PDGFRA: variants seen among roughly 807,000 people sequenced by gnomAD.
PDGFRA encodes platelet derived growth factor receptor alpha.
Under a neutral mutation model 121.5 loss-of-function variants are expected in PDGFRA, and 25 were observed. That is an observed-to-expected ratio of 0.21 (90% CI 0.15 to 0.29). The LOEUF (loss-of-function observed/expected upper bound fraction) is 0.29. Ranked by LOEUF, PDGFRA falls within the 10% of genes least tolerant of loss-of-function variation. The probability of loss-of-function intolerance (pLI) is 1.00; values close to 1 mark genes in which losing one functional copy is unlikely to be tolerated. For synonymous variants in PDGFRA, 463 were observed against 494.8 expected, an observed-to-expected ratio of 0.94 and a Z score of 0.85; for missense variants, 1,008 against 1,345.1, an observed-to-expected ratio of 0.75 and a Z score of 3.92.
At chr4:54,294,405 G>A (rs958472302) in intron 22 of PDGFRA, among the ~76,000 whole-genome samples, 2 of 152,148 alleles carry the variant, frequency 1.3e-5, no homozygotes, top group Non-Finnish European at 2.9e-5. Context: ...ACATGAGAAA[G>A]GTGCCCAGAA....
Position 54,271,934 on chromosome 4 carries a change from CTCCT to C in PDGFRA, c.1238-445_1238-442del, listed in dbSNP as rs368158132. On this transcript the variant is annotated intron_variant, in intron 8 of 22. Transcript: ENST00000257290. ...TCCCTCACTCTCTCTTTTCCTTTCTCTCCTTCCTTCCTTCCTTCATTCTCCCCTC... is the reference window on the plus strand; with the variant it reads ...TCCCTCACTCTCTCTTTTCCTTTCTCTCCTTCCTTCCTTCATTCTCCCCTC... Among the ~76,000 whole-genome samples the C allele has an allele frequency of 3.6e-3, 215 of 59,804 alleles. 1 individual carries two copies. Among genetic ancestry groups the C allele is most frequent in the Middle Eastern group, 0.015 (1 of 66 alleles). The allele number at this position is 59,804 out of a possible 152,430, so 39.2% of individuals were successfully genotyped here.
At chr4:54,280,781 C>T in intron 16 of PDGFRA, 1 of 196,392 alleles carries the variant, frequency 5.1e-6, no homozygotes, top group Admixed American at 5.4e-5. Context: ...ATTATTTATT[C>T]TGATATAATG....
At chr4:54,231,668 G>C (rs4864504) in intron 1 of PDGFRA, among the ~76,000 whole-genome samples, 57,584 of 152,232 alleles carry the variant, frequency 0.38, 12,532 homozygotes, top group African/African-American at 0.61. Flanking sequence ...GGCCGACCAG[G>C]CTCGCTTTGA....
intron 9 of PDGFRA, among the ~76,000 whole-genome samples, chr4:54,273,329 C>G (rs759339586): frequency 1.3e-5 from 2 of 152,198 alleles, no homozygotes; most frequent in Non-Finnish European, 2.9e-5. Flanking sequence ...AAACACTTAG[C>G]TTTCAGTTGT....
chr4:54,273,962 A>G (rs1383036959), intron 10 of PDGFRA, among the ~76,000 whole-genome samples: 1 of 152,200 alleles, frequency 6.6e-6, no homozygotes, highest in Non-Finnish European at 1.5e-5. Flanking sequence ...GCTCACTGCA[A>G]CCTCTACCTA....
At chr4:54,259,869 A>G (rs1361113259) in intron 2 of PDGFRA, among the ~76,000 whole-genome samples, 1 of 152,192 alleles carries the variant, frequency 6.6e-6, no homozygotes, top group Non-Finnish European at 1.5e-5. Flanking sequence ...ATTAAGTCAT[A>G]ATATCTCTTC....
In PDGFRA at chr4:54,274,883, A is replaced by C; in HGVS notation, c.1696A>C (p.Ser566Arg). ...TCGCTGGAGGGTCATTGAATCAATC[A>C]GCCCAGATGGACATGAATATATTTA... ...EIRWRVIESI[S>R]PDGHEYIYVD... The change falls in exon 12 of 23, where the codon AGC becomes CGC. Residue 566 changes from serine (S) to arginine (R), a missense_variant. Physicochemically the swap from Ser to Arg is moderately radical, Grantham distance 110. Around this residue, in one of 5 missense-constraint regions of PDGFRA, gnomAD observed 575 missense variants for 701.8 expected, o/e 0.82. Coordinates refer to ENST00000257290, the MANE Select transcript of PDGFRA (RefSeq NM_006206.6). The C allele has an allele frequency of 6.2e-7, 1 of 1,614,064 alleles. No homozygotes were observed. Among genetic ancestry groups the C allele is most frequent in the Non-Finnish European group, 8.5e-7 (1 of 1,179,926 alleles).
chr4:54,245,014 A>G (rs1298780427), intron 1 of PDGFRA, among the ~76,000 whole-genome samples: 2 of 152,162 alleles, frequency 1.3e-5, no homozygotes, highest in East Asian at 1.9e-4. Context: ...GGGAAGTTTA[A>G]AGAAAAAAGA....
rs111810091 is a variant in PDGFRA, at chr4:54,289,973, C to G, written c.2881-340C>G. ...CATGAAGGCTTTGGGTATTATCCAC[C>G]CAATAGAAGGCCTCACTGCCTCTCT... On this transcript the variant is annotated intron_variant, in intron 21 of 22. Coordinates refer to ENST00000257290, the MANE Select transcript of PDGFRA (RefSeq NM_006206.6). Among the ~76,000 whole-genome samples, 1,515 of 152,304 alleles carry G rather than the reference C, an allele frequency of 9.9e-3. 29 individuals are homozygous for G. The highest frequency in any genetic ancestry group is 0.035 in the African/African-American group (1,436 of 41,558).
Position 54,265,010 on chromosome 4 carries a change from T to A in PDGFRA, c.720T>A (p.Asn240Lys), listed in dbSNP as rs768535525. ...TGGTCACCTGTGCTGTTTTTAACAA[T>A]GAGGTGGTTGACCTTCAATGGACTT... is the stretch of plus-strand genomic sequence containing the variant. ...TIVVTCAVFN[N>K]EVVDLQWTYP... Residue 240 changes from asparagine to lysine, a missense_variant, in exon 5 of 23, where the codon AAT (asparagine) becomes AAA (lysine). By Grantham distance (94) the Asn-to-Lys change is moderately conservative (BLOSUM62 0). Transcript: ENST00000257290. 1 of 1,613,746 alleles carries A rather than the reference T, an allele frequency of 6.2e-7. No individual in the cohort carries two copies. The highest frequency in any genetic ancestry group is 8.5e-7 in the Non-Finnish European group (1 of 1,179,696).
At chr4:54,276,880 G>T in intron 12 of PDGFRA, 1 of 181,434 alleles carries the variant, frequency 5.5e-6, no homozygotes, top group Non-Finnish European at 1.2e-5. Context: ...TCTTGGTAGA[G>T]TGGCTTTCCT....
In PDGFRA at chr4:54,278,880, C is replaced by T. The variant is rs1365548687; in HGVS notation, c.2156+365C>T. On this transcript the variant is annotated intron_variant, in intron 15 of 22. Transcript: ENST00000257290. Reference sequence around the variant, plus strand: ...AGAACTGTCTGTGGATCTCCAAGCTCGAGGTCCTTGCTGAACCTGGACCTA... The same window carrying T: ...AGAACTGTCTGTGGATCTCCAAGCTTGAGGTCCTTGCTGAACCTGGACCTA... 5 of 474,468 alleles carry T rather than the reference C, an allele frequency of 1.1e-5. No individual in the cohort carries two copies. The East Asian group carries it at 1.9e-4, about 18-fold the overall frequency. The allele number at this position is 474,468 out of a possible 1,614,324, so 29.4% of individuals were successfully genotyped here. A position where few individuals can be genotyped will look rare whatever the true frequency, so the allele number is the denominator to read the frequency against.
At chr4:54,276,053 G>T (rs1404193854) in intron 12 of PDGFRA, among the ~76,000 whole-genome samples, 2 of 152,168 alleles carry the variant, frequency 1.3e-5, no homozygotes, top group South Asian at 4.1e-4. Context: ...CAGTGCTTGA[G>T]ATATTTTGGA....
At chr4:54,272,354 C>T in intron 8 of PDGFRA, 40 bp from the exon 9 acceptor site, 1 of 1,611,620 alleles carries the variant, frequency 6.2e-7, no homozygotes, top group Non-Finnish European at 8.5e-7. Context: ...TGTTCTGGGA[C>T]ACGAGCTATT....
chr4:54,254,069 G>A (rs1245438199), intron 1 of PDGFRA, among the ~76,000 whole-genome samples: 1 of 152,132 alleles, frequency 6.6e-6, no homozygotes, highest in African/African-American at 2.4e-5. Flanking sequence ...TTTTAGGTGA[G>A]CTCCAGAATA....
chr4:54,292,329 G>A (rs575839721), intron 22 of PDGFRA, among the ~76,000 whole-genome samples: 51 of 152,282 alleles, frequency 3.3e-4, no homozygotes, highest in African/African-American at 1.0e-3. Context: ...CATGGAATAC[G>A]ATGCAGCCGT....
intron 1 of PDGFRA, 30 bp from the exon 2 acceptor site, chr4:54,258,727 G>A (rs778993610): frequency 3.6e-6 from 5 of 1,399,602 alleles, no homozygotes; most frequent in Non-Finnish European, 3.0e-6. Context: ...ATTTGCTAAT[G>A]CTGTTTCTGT....
chr4:54,269,765 C>T (rs1348392070), intron 7 of PDGFRA, among the ~76,000 whole-genome samples: 2 of 151,450 alleles, frequency 1.3e-5, no homozygotes, highest in Non-Finnish European at 2.9e-5. Flanking sequence ...GCTTCAGCCT[C>T]CTGAGTAGCT....
At position 54,270,355 on chromosome 4, in the gene PDGFRA, A is replaced by C. The variant is rs1050835937; in HGVS notation, c.1122-278A>C. 7.9e-5 allele frequency among the ~76,000 whole-genome samples: 12 copies of C among 152,302 alleles called. No individual in the cohort carries two copies. The Middle Eastern group carries it at 0.014, about 173-fold the overall frequency. On this transcript the variant is annotated intron_variant, in intron 7 of 22. Coordinates refer to ENST00000257290, the MANE Select transcript of PDGFRA (RefSeq NM_006206.6). ...AAAAGTTGGTAGGCTGTGTTTATTC[A>C]TTCAGAAGTCAGGCCGTGGCTGAAC...
Sources: allele counts gnomAD v4.1 joint callset (sites outside exome capture counted in the v4.1 genomes callset), GRCh38; gene constraint gnomAD v4.1.1; regional missense constraint gnomAD v4.1.1; transcripts MANE v1.5; gene names NCBI Gene and HGNC (gene_info 2026-07-23, HGNC 2026-07-21).